DAAM1: variants seen among roughly 807,000 people sequenced by gnomAD.
DAAM1 encodes dishevelled associated activator of morphogenesis 1, also known as disheveled-associated activator of morphogenesis 1.
DAAM1 carries 52 observed loss-of-function variants against 130.0 expected under a neutral mutation model. That is an observed-to-expected ratio of 0.40 (90% CI 0.32 to 0.50). The LOEUF is 0.50. Ranked by LOEUF, DAAM1 falls within the 20% of genes least tolerant of loss-of-function variation. The probability of loss-of-function intolerance (pLI) is 0.61; values close to 1 mark genes in which losing one functional copy is unlikely to be tolerated. For synonymous variants in DAAM1, 452 were observed against 444.5 expected (o/e 1.02, Z -0.21); for missense variants, 1,134 against 1,303.8 (o/e 0.87, Z 2.01).
intron 3 of DAAM1, among the ~76,000 whole-genome samples, chr14:59,306,458 A>G (rs1387822728): frequency 6.6e-6 from 1 of 152,228 alleles, no homozygotes; most frequent in Non-Finnish European, 1.5e-5. Context: ...TTCTGCTCCT[A>G]TCCTGCCCTT....
chr14:59,322,133 A>G (rs1356898132), intron 5 of DAAM1, among the ~76,000 whole-genome samples: 1 of 152,156 alleles, frequency 6.6e-6, no homozygotes, highest in African/African-American at 2.4e-5. Flanking sequence ...CAACAAGCAA[A>G]TATCCTGGAA....
chr14:59,297,820 T>C (rs1884012033), intron 3 of DAAM1, among the ~76,000 whole-genome samples: 1 of 152,234 alleles, frequency 6.6e-6, no homozygotes, highest in Non-Finnish European at 1.5e-5. Flanking sequence ...CATAGGTATG[T>C]ATGTATGGAA....
At chr14:59,225,038 T>TG (rs1888897031) in intron 1 of DAAM1, among the ~76,000 whole-genome samples, 5 of 143,532 alleles carry the variant, frequency 3.5e-5, no homozygotes, top group African/African-American at 1.3e-4. Context: ...TTTTTTTTTT[T>TG]TTTTTTTTGA....
chr14:59,213,714 T>G (rs1287642025), intron 1 of DAAM1, among the ~76,000 whole-genome samples: 1 of 152,236 alleles, frequency 6.6e-6, no homozygotes, highest in Admixed American at 6.5e-5. Flanking sequence ...TGGCCTTCTC[T>G]CACTATTTAC....
At chr14:59,357,218 A>C (rs575904685) in intron 20 of DAAM1, 1 of 152,268 alleles carries the variant, frequency 6.6e-6, no homozygotes, top group Non-Finnish European at 1.5e-5. Context: ...GGTTAATGCA[A>C]TTAATTGAAA....
intron 3 of DAAM1, among the ~76,000 whole-genome samples, chr14:59,298,482 C>T (rs1884043988): frequency 6.6e-6 from 1 of 152,184 alleles, no homozygotes; most frequent in African/African-American, 2.4e-5. Context: ...TGATGAGATG[C>T]CCTCGGTTTT....
At position 59,369,753 on chromosome 14, in the gene DAAM1, TAAAAAAAA is replaced by T. The variant is rs72238797; in HGVS notation, c.*911_*918del. ...AATTCTCTGAAGGGATAAAGATTACTAAAAAAAAAAAAAAAAAAAAAAAATTAATGGGG... is the reference window on the plus strand; with the variant it reads ...AATTCTCTGAAGGGATAAAGATTACTAAAAAAAAAAAAAAAATTAATGGGG... On this transcript the variant is annotated 3_prime_UTR_variant, in exon 25 of 25. Coordinates refer to ENST00000360909, the MANE Select transcript of DAAM1 (RefSeq NM_001270520.2). 9 of 95,656 alleles carry T rather than the reference TAAAAAAAA, an allele frequency of 9.4e-5. No individual in the cohort carries two copies. Among genetic ancestry groups the T allele is most frequent in the African/African-American group, 1.3e-4 (3 of 23,868 alleles). 5.9% of individuals were successfully genotyped at this position (95,656 alleles called of 1,614,324 possible).
chr14:59,195,802 C>G (rs2139383217), intron 1 of DAAM1, among the ~76,000 whole-genome samples: 1 of 152,158 alleles, frequency 6.6e-6, no homozygotes, highest in East Asian at 1.9e-4. Context: ...GACATACAAA[C>G]CAGGTCAAGG....
intron 1 of DAAM1, among the ~76,000 whole-genome samples, chr14:59,223,083 G>A (rs1291161979): frequency 2.0e-5 from 3 of 152,230 alleles, no homozygotes; most frequent in Non-Finnish European, 4.4e-5. Flanking sequence ...TCCTGTGTCA[G>A]CTGATTGTAG....
chr14:59,351,467 G>T (rs941599009), intron 17 of DAAM1, among the ~76,000 whole-genome samples: 1 of 152,000 alleles, frequency 6.6e-6, no homozygotes, highest in Non-Finnish European at 1.5e-5. Flanking sequence ...ACCCTGCCCT[G>T]CCCTCTCCCA....
chr14:59,366,104 A>G (rs150447299), intron 23 of DAAM1, among the ~76,000 whole-genome samples: 1 of 141,188 alleles, frequency 7.1e-6, no homozygotes, highest in African/African-American at 3.2e-5. Flanking sequence ...AAAGATTGAC[A>G]CTGGGGCATG....
chr14:59,280,418 G>C (rs1883157188), intron 2 of DAAM1, among the ~76,000 whole-genome samples: 1 of 151,886 alleles, frequency 6.6e-6, no homozygotes, highest in African/African-American at 2.4e-5. Flanking sequence ...CTGGATGACA[G>C]AGAGAGACCC....
At chr14:59,193,691 C>T (rs1887801396) in intron 1 of DAAM1, among the ~76,000 whole-genome samples, 1 of 152,140 alleles carries the variant, frequency 6.6e-6, no homozygotes. Context: ...AGCTTGTTTT[C>T]CTCATTGATG....
intron 24 of DAAM1, among the ~76,000 whole-genome samples, 160 bp from the exon 25 acceptor site, chr14:59,368,490 A>G (rs1887012913): frequency 1.3e-5 from 2 of 152,140 alleles, no homozygotes; most frequent in African/African-American, 2.4e-5. Context: ...TGGAGACCCC[A>G]TGTTCCAATT....
intron 1 of DAAM1, among the ~76,000 whole-genome samples, chr14:59,241,374 G>A (rs950214598): frequency 1.3e-5 from 2 of 152,198 alleles, no homozygotes; most frequent in African/African-American, 2.4e-5. Flanking sequence ...ATTTCTTCCA[G>A]TGGGACCTCT....
intron 3 of DAAM1, among the ~76,000 whole-genome samples, chr14:59,315,013 T>G (rs1884731669): frequency 6.6e-6 from 1 of 152,226 alleles, no homozygotes; most frequent in South Asian, 2.1e-4. Context: ...ACTTAAATTC[T>G]TCTTGATCCA....
chr14:59,316,992 T>C (rs1884817966), intron 4 of DAAM1, among the ~76,000 whole-genome samples: 1 of 152,242 alleles, frequency 6.6e-6, no homozygotes. Context: ...ATTTGTGTGC[T>C]ACAGGGTCTG....
intron 1 of DAAM1, among the ~76,000 whole-genome samples, chr14:59,200,757 C>T (rs564124712): frequency 6.6e-6 from 1 of 152,288 alleles, no homozygotes; most frequent in South Asian, 2.1e-4. Flanking sequence ...TCTGGTAGTT[C>T]TCCACCTTGG....
intron 2 of DAAM1, 24 bp from the exon 3 acceptor site, chr14:59,291,193 A>C: frequency 2.5e-6 from 4 of 1,583,396 alleles, no homozygotes; most frequent in Non-Finnish European, 3.4e-6. Context: ...CCTATGAAAC[A>C]CTAATTATTT....
Sources: gnomAD v4.1 joint callset for allele counts (sites outside exome capture counted in the v4.1 genomes callset) on GRCh38, gnomAD v4.1.1 for gene constraint, MANE v1.5 for transcripts, NCBI Gene and HGNC (gene_info 2026-07-23, HGNC 2026-07-21) for gene names.